ACYP2: variants seen among roughly 807,000 people sequenced by gnomAD.
The protein encoded by ACYP2 is acylphosphatase-2.
ACYP2 carries 12 observed loss-of-function variants against 11.2 expected under a neutral mutation model. The ratio of observed to expected loss-of-function variants is 1.08; its 90% CI spans 0.69 to 1.74. The LOEUF is 1.74. Ranked by LOEUF, ACYP2 falls within the 40% of genes most tolerant of loss-of-function variation. The pLI, the probability that ACYP2 is intolerant of heterozygous loss-of-function variation, is 0.00. For missense variants in ACYP2, 134 were observed against 101.9 expected, an observed-to-expected ratio of 1.31 and a Z score of -1.35; for synonymous variants, 43 against 32.2, an observed-to-expected ratio of 1.33 and a Z score of -1.13.
intron 6 of ACYP2, among the ~76,000 whole-genome samples, chr2:54,159,031 T>C (rs1682580667): frequency 6.6e-6 from 1 of 152,172 alleles, no homozygotes; most frequent in South Asian, 2.1e-4. Context: ...TAGTTGTATA[T>C]ATACTCTCTC....
rs900385989 is a variant in ACYP2, at chr2:54,048,135, G to C, written c.63-2823G>C. Among the ~76,000 whole-genome samples the C allele has an allele frequency of 2.6e-5, 4 of 152,096 alleles. No homozygotes were observed. The South Asian group carries it at 8.3e-4, about 32-fold the overall frequency. ...TTTATATATATTTTTTGTAATAAAA[G>C]TTTTTGTAGGCCAGGCGCAGTGGCT... is the stretch of plus-strand genomic sequence containing the variant. On this transcript the variant is annotated intron_variant, in intron 2 of 6. Coordinates refer to ENST00000607452, the MANE Select transcript of ACYP2 (RefSeq NM_001320586.2).
chr2:54,090,718 CCGCT>C (rs1490612936), intron 4 of ACYP2, among the ~76,000 whole-genome samples: 3 of 152,218 alleles, frequency 2.0e-5, no homozygotes, highest in African/African-American at 7.2e-5. Context: ...TACGCCTGGA[CCGCT>C]CTTCCTCTTT....
chr2:54,294,136 T>C (rs993217893), intron 6 of ACYP2, among the ~76,000 whole-genome samples: 1 of 152,202 alleles, frequency 6.6e-6, no homozygotes, highest in Admixed American at 6.5e-5. Context: ...CACCCCACTT[T>C]AGTCCCAGGG....
At chr2:54,157,036 T>G (rs1191966597) in intron 6 of ACYP2, among the ~76,000 whole-genome samples, 2 of 152,218 alleles carry the variant, frequency 1.3e-5, no homozygotes, top group African/African-American at 4.8e-5. Context: ...ACTTGAAATC[T>G]ATTTTAGTTT....
At chr2:54,115,592 C>T (rs1369052204) in intron 4 of ACYP2, 23 bp from the exon 1 acceptor site, 5 of 1,544,738 alleles carry the variant, frequency 3.2e-6, no homozygotes, top group Non-Finnish European at 4.4e-6. Context: ...CGGTGACAGG[C>T]GCGGGGTGCG....
chr2:54,157,583 A>T (rs979999339), intron 6 of ACYP2, among the ~76,000 whole-genome samples: 14 of 152,312 alleles, frequency 9.2e-5, no homozygotes, highest in African/African-American at 3.4e-4. Context: ...GATACCTTTT[A>T]TATATGCCAG....
At chr2:54,066,242 A>T (rs1476819114) in intron 4 of ACYP2, among the ~76,000 whole-genome samples, 1 of 152,058 alleles carries the variant, frequency 6.6e-6, no homozygotes, top group Non-Finnish European at 1.5e-5. Flanking sequence ...TTTTCACGTG[A>T]TCTGATGGTT....
rs189808810 is a variant in ACYP2 at position 54,238,842 on chromosome 2, G to C, written c.405-65846G>C. Among the ~76,000 whole-genome samples the C allele has an allele frequency of 3.3e-5, 5 of 151,716 alleles. No homozygotes were observed. In the East Asian group the frequency reaches 9.7e-4, roughly 30 times the overall value. On this transcript the variant is annotated intron_variant, in intron 6 of 6. Coordinates refer to ENST00000607452, the MANE Select transcript of ACYP2 (RefSeq NM_001320586.2). ...AGCAAAATATTATGAGTGCTTATAA[G>C]TACAAAGGCTAAAACTGATATCCCT...
chr2:54,300,157 C>A (rs1313884641), intron 6 of ACYP2, among the ~76,000 whole-genome samples: 1 of 152,206 alleles, frequency 6.6e-6, no homozygotes, highest in African/African-American at 2.4e-5. Flanking sequence ...CTTTTCTATA[C>A]CTAATGAGTC....
chr2:54,151,473 A>G (rs185679914), intron 6 of ACYP2, among the ~76,000 whole-genome samples: 9 of 152,312 alleles, frequency 5.9e-5, no homozygotes, highest in Admixed American at 5.9e-4. Context: ...TCCTTTTTAC[A>G]CAAATAGACA....
chr2:54,100,954 G>C (rs1181453909), intron 4 of ACYP2, among the ~76,000 whole-genome samples: 1 of 152,202 alleles, frequency 6.6e-6, no homozygotes, highest in Non-Finnish European at 1.5e-5. Flanking sequence ...AGCAATTCAA[G>C]GTACTTGGGC....
chr2:54,293,083 C>A (rs116108878), intron 6 of ACYP2, among the ~76,000 whole-genome samples: 1 of 152,132 alleles, frequency 6.6e-6, no homozygotes, highest in African/African-American at 2.4e-5. Context: ...TTTATTTAAT[C>A]GTCACCGCAA....
At chr2:54,044,124 C>G (rs1161425073) in intron 2 of ACYP2, among the ~76,000 whole-genome samples, 5 of 152,196 alleles carry the variant, frequency 3.3e-5, no homozygotes, top group African/African-American at 1.2e-4. Context: ...GATGTACACA[C>G]AGAGCCCATT....
At chr2:53,997,417 T>G (rs1356566539) in intron 2 of ACYP2, among the ~76,000 whole-genome samples, 1 of 152,156 alleles carries the variant, frequency 6.6e-6, no homozygotes, top group Admixed American at 6.6e-5. Context: ...GTGATTCTCA[T>G]GCCTCAGCCT....
At chr2:54,189,163 A>G (rs776926449) in intron 6 of ACYP2, among the ~76,000 whole-genome samples, 19 of 152,218 alleles carry the variant, frequency 1.2e-4, no homozygotes, top group Non-Finnish European at 2.5e-4. Context: ...ACAGTTGACC[A>G]TTTTGTGTGT....
At chr2:54,090,055 G>C (rs996169568) in intron 4 of ACYP2, among the ~76,000 whole-genome samples, 2 of 151,028 alleles carry the variant, frequency 1.3e-5, no homozygotes, top group African/African-American at 4.9e-5. Flanking sequence ...TGAGTCAGGT[G>C]AATCTCTTAA....
intron 6 of ACYP2, among the ~76,000 whole-genome samples, chr2:54,195,440 C>T (rs1453767908): frequency 6.6e-6 from 1 of 152,058 alleles, no homozygotes; most frequent in African/African-American, 2.4e-5. Flanking sequence ...GTAATACTAG[C>T]TGAAACAAAA....
chr2:54,135,530 G>C (rs1572835712), intron 5 of ACYP2, 61 bp downstream of exon 2: 3 of 1,483,566 alleles, frequency 2.0e-6, no homozygotes, highest in Non-Finnish European at 2.8e-6. Flanking sequence ...CCCAATTACA[G>C]AGATAGGGCA....
At chr2:53,985,914 G>C (rs1275514254) in intron 2 of ACYP2, among the ~76,000 whole-genome samples, 1 of 152,072 alleles carries the variant, frequency 6.6e-6, no homozygotes, top group East Asian at 1.9e-4. Flanking sequence ...GGTGGGAGGA[G>C]TACTTGAGGT....
Sources: allele counts gnomAD v4.1 joint callset (sites outside exome capture counted in the v4.1 genomes callset), GRCh38; gene constraint gnomAD v4.1.1; transcripts MANE v1.5; gene names NCBI Gene and HGNC (gene_info 2026-07-23, HGNC 2026-07-21).